The following ANO3 variants were observed in gnomAD, a reference collection of about 807,000 sequenced individuals.
ANO3 encodes anoctamin-3.
Under a neutral mutation model 144.8 loss-of-function variants are expected in ANO3, and 99 were observed. That is an observed-to-expected ratio of 0.68 (90% confidence interval 0.58 to 0.81). The LOEUF is 0.81. Among genes scored for constraint, ANO3 ranks in the 30% least tolerant of loss-of-function variants. ANO3 has a pLI of 0.00. For synonymous variants in ANO3, 414 were observed against 392.6 expected, an observed-to-expected ratio of 1.05 and a Z score of -0.64; for missense variants, 905 against 1,202.2, an observed-to-expected ratio of 0.75 and a Z score of 3.66.
intron 1 of ANO3, among the ~76,000 whole-genome samples, chr11:26,230,107 A>G (rs976256383): frequency 2.0e-5 from 3 of 152,236 alleles, no homozygotes; most frequent in Non-Finnish European, 2.9e-5. Context: ...GCCTTCTAAA[A>G]GAGCTGCTCT....
intron 11 of ANO3, among the ~76,000 whole-genome samples, chr11:26,542,488 C>T (rs1013907113): frequency 6.6e-6 from 1 of 151,942 alleles, no homozygotes; most frequent in Non-Finnish European, 1.5e-5. Context: ...TTTGAGTGGT[C>T]TAGTACCTCC....
intron 1 of ANO3, among the ~76,000 whole-genome samples, chr11:26,351,960 C>T (rs114578225): frequency 0.016 from 2,481 of 152,226 alleles, 60 homozygotes; most frequent in African/African-American, 0.056. Flanking sequence ...GTATTAACAG[C>T]CAAGTAGCAA....
At chr11:26,364,894 A>G (rs1856023574) in intron 1 of ANO3, among the ~76,000 whole-genome samples, 1 of 152,170 alleles carries the variant, frequency 6.6e-6, no homozygotes, top group Non-Finnish European at 1.5e-5. Flanking sequence ...GCGAAATACA[A>G]TCATGCCTTC....
intron 4 of ANO3, among the ~76,000 whole-genome samples, chr11:26,474,423 T>C (rs1015620692): frequency 3.3e-5 from 5 of 151,852 alleles, no homozygotes; most frequent in African/African-American, 1.2e-4. Flanking sequence ...TCTAAAATGG[T>C]TTTTTATTCA....
intron 1 of ANO3, among the ~76,000 whole-genome samples, chr11:26,194,466 G>A (rs1361554858): frequency 6.6e-6 from 1 of 150,520 alleles, no homozygotes; most frequent in Non-Finnish European, 1.5e-5. Flanking sequence ...GTGTGTGTGT[G>A]TGTGTGTGTG....
At chr11:26,524,175 GA>G in intron 6 of ANO3, among the ~76,000 whole-genome samples, 1 of 152,252 alleles carries the variant, frequency 6.6e-6, no homozygotes, top group South Asian at 2.1e-4. Context: ...CGGTGGTTCT[GA>G]AGAAAAGATG....
rs1850209086 is a variant in ANO3 at position 26,559,791 on chromosome 11, CTTCA to C, written c.1447+15_1447+18del. ...TATGGCAATATGGGGTAAGTACTTT[CTTCA>C]TTACTTTCTATCCCTTATTTTCTGA... On this transcript the variant is annotated intron_variant, in intron 14 of 26. Coordinates refer to ENST00000256737, the MANE Select transcript of ANO3 (RefSeq NM_031418.4). 1.3e-6 allele frequency: 2 copies of C among 1,577,938 alleles called. No homozygotes were observed. Among genetic ancestry groups the C allele is most frequent in the East Asian group, 2.3e-5 (1 of 44,440 alleles).
At chr11:26,400,168 C>A (rs1857113221) in intron 1 of ANO3, among the ~76,000 whole-genome samples, 2 of 151,856 alleles carry the variant, frequency 1.3e-5, no homozygotes, top group South Asian at 4.1e-4. Context: ...GAGCATTAAC[C>A]AAAACCATGT....
At chr11:26,389,237 C>T (rs1274442592) in intron 1 of ANO3, among the ~76,000 whole-genome samples, 6 of 152,052 alleles carry the variant, frequency 3.9e-5, no homozygotes, top group Non-Finnish European at 4.4e-5. Flanking sequence ...TAGCAAGAAA[C>T]TTAGGAACAT....
chr11:26,411,510 T>G (rs935571076), intron 1 of ANO3, among the ~76,000 whole-genome samples: 1 of 151,982 alleles, frequency 6.6e-6, no homozygotes, highest in Non-Finnish European at 1.5e-5. Flanking sequence ...ATTAAATAAA[T>G]TCACCATGCT....
At chr11:26,541,481 G>T (rs2134204813) in intron 10 of ANO3, among the ~76,000 whole-genome samples, 1 of 152,080 alleles carries the variant, frequency 6.6e-6, no homozygotes, top group Non-Finnish European at 1.5e-5. Context: ...AGCACTGGTG[G>T]CTGAGGCCTC....
At chr11:26,211,270 C>T (rs1000834657) in intron 1 of ANO3, among the ~76,000 whole-genome samples, 1 of 152,022 alleles carries the variant, frequency 6.6e-6, no homozygotes, top group Non-Finnish European at 1.5e-5. Flanking sequence ...GGGTAAATAA[C>T]GAAATTAAGG....
intron 10 of ANO3, 99 bp downstream of exon 10, chr11:26,537,560 G>A (rs1291866537): frequency 3.6e-5 from 38 of 1,043,380 alleles, no homozygotes; most frequent in Non-Finnish European, 5.1e-5. Flanking sequence ...ACTCCCAGGA[G>A]GATTCAGTCT....
chr11:26,653,802 G>A (rs138270372), intron 24 of ANO3, among the ~76,000 whole-genome samples: 2 of 152,072 alleles, frequency 1.3e-5, no homozygotes, highest in African/African-American at 4.8e-5. Context: ...AGGACTCTAC[G>A]TGAAATTTTA....
intron 7 of ANO3, among the ~76,000 whole-genome samples, chr11:26,530,455 GTCTGTCTA>G (rs1312443497): frequency 1.5e-5 from 2 of 130,292 alleles, no homozygotes; most frequent in African/African-American, 6.6e-5. Flanking sequence ...TCATCTATCT[GTCTGTCTA>G]TCTATCTATC....
At chr11:26,243,375 C>G (rs1852704291) in intron 1 of ANO3, among the ~76,000 whole-genome samples, 1 of 148,798 alleles carries the variant, frequency 6.7e-6, no homozygotes, top group Non-Finnish European at 1.5e-5. Flanking sequence ...ATTATATGTT[C>G]TTTGCAAGAA....
At chr11:26,612,671 G>T (rs1441373603) in intron 17 of ANO3, among the ~76,000 whole-genome samples, 2 of 151,806 alleles carry the variant, frequency 1.3e-5, no homozygotes, top group African/African-American at 4.8e-5. Context: ...AGCATTTCTT[G>T]TAAGGCCAGT....
At chr11:26,293,976 A>G (rs1312022016) in intron 1 of ANO3, among the ~76,000 whole-genome samples, 1 of 152,068 alleles carries the variant, frequency 6.6e-6, no homozygotes, top group African/African-American at 2.4e-5. Flanking sequence ...TGCATTGCCA[A>G]TGTTTCTGAT....
intron 14 of ANO3, among the ~76,000 whole-genome samples, chr11:26,592,868 A>C (rs945872384): frequency 6.6e-6 from 1 of 151,978 alleles, no homozygotes; most frequent in African/African-American, 2.4e-5. Flanking sequence ...TGAGGGGAGG[A>C]AACTATGTCC....
Sources: gnomAD v4.1 joint callset for allele counts (sites outside exome capture counted in the v4.1 genomes callset) on GRCh38, gnomAD v4.1.1 for gene constraint, MANE v1.5 for transcripts, NCBI Gene and HGNC (gene_info 2026-07-23, HGNC 2026-07-21) for gene names.